The following CCSER1 variants were observed in gnomAD, a reference collection of about 807,000 sequenced individuals.
The protein encoded by CCSER1 is serine-rich coiled-coil domain-containing protein 1.
CCSER1 carries 41 observed loss-of-function variants against 82.0 expected under a neutral mutation model. The ratio of observed to expected loss-of-function variants is 0.50; its 90% confidence interval spans 0.39 to 0.65. The LOEUF is 0.65. Among genes scored for constraint, CCSER1 ranks in the 30% least tolerant of loss-of-function variants. CCSER1 has a pLI of 0.00. For missense variants in CCSER1, 1,119 were observed against 1,064.2 expected, an observed-to-expected ratio of 1.05 and a Z score of -0.72; for synonymous variants, 414 against 383.9, an observed-to-expected ratio of 1.08 and a Z score of -0.92.
In CCSER1 at chr4:91,061,422, C is replaced by T. The variant is rs532563171; in HGVS notation, c.2173-24528C>T. On this transcript the variant is annotated intron_variant, in intron 9 of 10. Transcript: ENST00000509176. ...CCCTAAGATTTTTCTCAGCCCTCTC[C>T]ACCAGGTTTTTTTGTCTAGTCATTA... Among the ~76,000 whole-genome samples the T allele has an allele frequency of 2.0e-5, 3 of 152,130 alleles. No individual in the cohort carries two copies. The South Asian group carries it at 6.2e-4, about 32-fold the overall frequency.
rs1561417976 is a variant in CCSER1, at chr4:90,957,554, A to ATATAATTATAT, written c.2172+34111_2172+34112insATTATATTATA. ...ATTATATATATTATATAATTATATT[A>ATATAATTATAT]TATATATTATATAATTATATTATAT... On this transcript the variant is annotated intron_variant, in intron 9 of 10. Coordinates refer to ENST00000509176, the MANE Select transcript of CCSER1 (RefSeq NM_001145065.2). Among the ~76,000 whole-genome samples, 11 of 65,446 alleles carry ATATAATTATAT rather than the reference A, an allele frequency of 1.7e-4. No individual in the cohort carries two copies. In the East Asian group the frequency reaches 2.9e-3, roughly 17 times the overall value. 42.9% of individuals were successfully genotyped at this position (65,446 alleles called of 152,430 possible). A position where few individuals can be genotyped will look rare whatever the true frequency, so the allele number is the denominator to read the frequency against.
rs1272049584 is a variant in CCSER1 at position 91,604,427 on chromosome 4, A to G, written c.*5370A>G. On this transcript the variant is annotated 3_prime_UTR_variant, in exon 11 of 11. Coordinates refer to ENST00000509176, the MANE Select transcript of CCSER1 (RefSeq NM_001145065.2). ...GACATTTAATAAATACAGAATTTTC[A>G]GAGGGCATCTCTTCTATTTCAAGGT... is the stretch of plus-strand genomic sequence containing the variant. 1 of 152,128 alleles carries G rather than the reference A, an allele frequency of 6.6e-6. No homozygotes were observed. The highest frequency in any genetic ancestry group is 1.5e-5 in the Non-Finnish European group (1 of 67,956). The allele number at this position is 152,128 out of a possible 1,614,324, so 9.4% of individuals were successfully genotyped here. A position where few individuals can be genotyped will look rare whatever the true frequency, so the allele number is the denominator to read the frequency against.
chr4:91,340,861 T>C (rs556755131), intron 10 of CCSER1, among the ~76,000 whole-genome samples: 26 of 152,324 alleles, frequency 1.7e-4, no homozygotes, highest in Admixed American at 1.4e-3. Context: ...CCAGTGTTTC[T>C]AAATTTCTTT....
intron 7 of CCSER1, among the ~76,000 whole-genome samples, chr4:90,774,848 T>C (rs1260300484): frequency 6.6e-6 from 1 of 152,076 alleles, no homozygotes; most frequent in Non-Finnish European, 1.5e-5. Flanking sequence ...TATAATAAGC[T>C]CATTAATCTC....
intron 8 of CCSER1, among the ~76,000 whole-genome samples, chr4:90,907,300 T>C (rs1417596783): frequency 1.3e-5 from 2 of 152,070 alleles, no homozygotes; most frequent in East Asian, 3.9e-4. Flanking sequence ...CTAATGCAAA[T>C]ATGGGCCAAG....
At chr4:90,771,048 A>T (rs1225396341) in intron 7 of CCSER1, among the ~76,000 whole-genome samples, 1 of 152,104 alleles carries the variant, frequency 6.6e-6, no homozygotes, top group African/African-American at 2.4e-5. Context: ...CAAGTACAGA[A>T]TATCTGTTTG....
intron 1 of CCSER1, among the ~76,000 whole-genome samples, chr4:90,276,257 T>TTCTTTCTTC (rs1434719596): frequency 4.2e-5 from 4 of 95,346 alleles, no homozygotes; most frequent in African/African-American, 1.8e-4. Flanking sequence ...TTTCTTTCCT[T>TTCTTTCTTC]CCTTCCTTCC....
At chr4:90,866,415 A>G (rs886510250) in intron 8 of CCSER1, among the ~76,000 whole-genome samples, 1 of 152,072 alleles carries the variant, frequency 6.6e-6, no homozygotes, top group African/African-American at 2.4e-5. Context: ...CTGCTAGTGA[A>G]AGAAAATTAA....
chr4:90,735,465 T>C, intron 7 of CCSER1, among the ~76,000 whole-genome samples: 1 of 152,200 alleles, frequency 6.6e-6, no homozygotes, highest in Non-Finnish European at 1.5e-5. Flanking sequence ...TTTTCTTTGC[T>C]TGGAGATGTT....
intron 6 of CCSER1, among the ~76,000 whole-genome samples, chr4:90,645,042 G>A (rs1301364796): frequency 2.7e-5 from 4 of 150,182 alleles, no homozygotes; most frequent in African/African-American, 4.9e-5. Flanking sequence ...AGATCATGCC[G>A]TTGCACTCCA....
At chr4:90,745,185 C>T (rs942375376) in intron 7 of CCSER1, among the ~76,000 whole-genome samples, 7 of 152,024 alleles carry the variant, frequency 4.6e-5, no homozygotes, top group Admixed American at 1.3e-4. Flanking sequence ...GTTTACTTAC[C>T]TTTTGAACTT....
chr4:91,120,163 A>T (rs1417040781), intron 10 of CCSER1, among the ~76,000 whole-genome samples: 5 of 152,042 alleles, frequency 3.3e-5, no homozygotes, highest in Non-Finnish European at 1.5e-5. Context: ...AGAGTCAATG[A>T]TCATACCAGT....
intron 8 of CCSER1, among the ~76,000 whole-genome samples, chr4:90,834,106 TTGATG>T (rs1175265114): frequency 1.3e-5 from 2 of 152,190 alleles, no homozygotes; most frequent in African/African-American, 4.8e-5. Flanking sequence ...TAAGAGAAGT[TTGATG>T]TGTGCAACTT....
At chr4:91,315,770 G>C (rs537141829) in intron 10 of CCSER1, among the ~76,000 whole-genome samples, 7 of 151,962 alleles carry the variant, frequency 4.6e-5, no homozygotes, top group Admixed American at 2.0e-4. Context: ...TAGCAGTTAA[G>C]ACAGTAGGCT....
intron 6 of CCSER1, among the ~76,000 whole-genome samples, chr4:90,710,043 T>C (rs1740250909): frequency 6.6e-6 from 1 of 151,806 alleles, no homozygotes; most frequent in African/African-American, 2.4e-5. Flanking sequence ...TGATCAGTGA[T>C]GTTGAGCTTT....
intron 6 of CCSER1, among the ~76,000 whole-genome samples, chr4:90,718,483 C>A (rs892979325): frequency 6.6e-6 from 1 of 152,072 alleles, no homozygotes; most frequent in Non-Finnish European, 1.5e-5. Context: ...TTCTACCAAG[C>A]ACCTTAATAG....
chr4:90,835,816 G>C (rs747939273), intron 8 of CCSER1, among the ~76,000 whole-genome samples: 6 of 152,088 alleles, frequency 3.9e-5, no homozygotes, highest in Non-Finnish European at 8.8e-5. Flanking sequence ...AAGACATCTG[G>C]GAGACTTTTG....
At chr4:90,929,571 T>A (rs534929505) in intron 9 of CCSER1, among the ~76,000 whole-genome samples, 61 of 152,196 alleles carry the variant, frequency 4.0e-4, no homozygotes, top group Admixed American at 1.0e-3. Context: ...GGTCTTTAAT[T>A]CTGCAGTGAC....
chr4:90,237,763 G>T (rs10015971), intron 1 of CCSER1, among the ~76,000 whole-genome samples: 6,469 of 152,062 alleles, frequency 0.043, 372 homozygotes, highest in African/African-American at 0.13. Flanking sequence ...AAAGAGGAAC[G>T]TTAAATTGAA....
Sources: gnomAD v4.1 joint callset for allele counts (sites outside exome capture counted in the v4.1 genomes callset) on GRCh38, gnomAD v4.1.1 for gene constraint, MANE v1.5 for transcripts, NCBI Gene and HGNC (gene_info 2026-07-23, HGNC 2026-07-21) for gene names.